LHFPL6: variants seen among roughly 807,000 people sequenced by gnomAD.
LHFPL6 encodes the protein LHFPL tetraspan subfamily member 6.
LHFPL6 carries 9 observed loss-of-function variants against 20.6 expected under a neutral mutation model. That is an observed-to-expected ratio of 0.44 (90% CI 0.26 to 0.76). LHFPL6 has a LOEUF of 0.76. Ranked by LOEUF, LHFPL6 falls within the 30% of genes least tolerant of loss-of-function variation. The probability of loss-of-function intolerance (pLI) is 0.20; values close to 1 mark genes in which losing one functional copy is unlikely to be tolerated. For missense variants in LHFPL6, 218 were observed against 253.5 expected (o/e 0.86, Z 0.95); for synonymous variants, 105 against 98.7 (o/e 1.06, Z -0.38).
intron 2 of LHFPL6, among the ~76,000 whole-genome samples, chr13:39,501,780 T>C (rs918145473): frequency 6.6e-6 from 1 of 152,174 alleles, no homozygotes; most frequent in South Asian, 2.1e-4. Flanking sequence ...ACATCAACCA[T>C]GTGTTCAAAA....
At chr13:39,518,470 ACT>A (rs1870000434) in intron 2 of LHFPL6, among the ~76,000 whole-genome samples, 1 of 152,096 alleles carries the variant, frequency 6.6e-6, no homozygotes, top group Non-Finnish European at 1.5e-5. Context: ...TGTGCTAGAG[ACT>A]CTATTTGAAA....
chr13:39,433,704 C>T (rs763056951), intron 2 of LHFPL6, among the ~76,000 whole-genome samples: 5 of 152,134 alleles, frequency 3.3e-5, no homozygotes, highest in Non-Finnish European at 7.4e-5. Flanking sequence ...ATTGAGTGAC[C>T]TCAGATGTTG....
At chr13:39,385,050 C>T (rs529905069) in intron 2 of LHFPL6, among the ~76,000 whole-genome samples, 257 of 152,268 alleles carry the variant, frequency 1.7e-3, no homozygotes, top group African/African-American at 5.8e-3. Context: ...CAAGGATGTG[C>T]AACTTTTAAG....
chr13:39,561,395 T>C (rs1283216992), intron 2 of LHFPL6, among the ~76,000 whole-genome samples: 3 of 152,162 alleles, frequency 2.0e-5, no homozygotes, highest in Non-Finnish European at 4.4e-5. Context: ...CACAACTTAA[T>C]GTGCATTTTG....
At chr13:39,602,328 T>C (rs993654984) in intron 1 of LHFPL6, among the ~76,000 whole-genome samples, 1 of 151,984 alleles carries the variant, frequency 6.6e-6, no homozygotes, top group East Asian at 1.9e-4. Context: ...ATAGCAAATT[T>C]CCCCCTTTCT....
At chr13:39,483,458 C>G (rs1308968128) in intron 2 of LHFPL6, among the ~76,000 whole-genome samples, 6 of 151,376 alleles carry the variant, frequency 4.0e-5, no homozygotes, top group Non-Finnish European at 7.4e-5. Flanking sequence ...CTAGAATATT[C>G]CAAACTCCTG....
chr13:39,414,136 G>A (rs967954860), intron 2 of LHFPL6, among the ~76,000 whole-genome samples: 12 of 152,220 alleles, frequency 7.9e-5, no homozygotes, highest in East Asian at 3.9e-4. Flanking sequence ...CTCATATGCC[G>A]TTTCATTCAC....
chr13:39,495,092 T>C (rs564335710), intron 2 of LHFPL6, among the ~76,000 whole-genome samples: 4 of 152,284 alleles, frequency 2.6e-5, no homozygotes, highest in Non-Finnish European at 4.4e-5. Flanking sequence ...AGGTAGAAGG[T>C]AGCAAGTGGA....
chr13:39,427,044 C>T lies in LHFPL6; in HGVS notation c.386-48518G>A, dbSNP rs541404570. ...TTCTCCACTGAATTGCCTTAATTGC[C>T]TTTGCATCTTTGTAAAAAAAAAAAA... On this transcript the variant is annotated intron_variant, in intron 2 of 3. Coordinates refer to ENST00000379589, the MANE Select transcript of LHFPL6 (RefSeq NM_005780.3). Among the ~76,000 whole-genome samples, 15 of 148,144 alleles carry T rather than the reference C, an allele frequency of 1.0e-4. No homozygotes were observed. The East Asian group carries it at 2.9e-3, about 28-fold the overall frequency.
intron 2 of LHFPL6, among the ~76,000 whole-genome samples, chr13:39,456,397 T>A (rs1872570951): frequency 6.6e-6 from 1 of 152,226 alleles, no homozygotes; most frequent in Non-Finnish European, 1.5e-5. Flanking sequence ...TCACTTTTGA[T>A]AAACTGCGAA....
chr13:39,365,971 A>G (rs1593286833), intron 3 of LHFPL6, among the ~76,000 whole-genome samples: 1 of 152,136 alleles, frequency 6.6e-6, no homozygotes, highest in Non-Finnish European at 1.5e-5. Context: ...CTGTAGGTAA[A>G]CAGCCACTGC....
chr13:39,358,298 C>T (rs79788939), intron 3 of LHFPL6, among the ~76,000 whole-genome samples: 1,599 of 152,144 alleles, frequency 0.011, 31 homozygotes, highest in African/African-American at 0.037. Context: ...AATGGGGAAA[C>T]GATTCCCTAT....
chr13:39,479,082 G>GAT (rs1483934927), intron 2 of LHFPL6, among the ~76,000 whole-genome samples: 1 of 150,302 alleles, frequency 6.7e-6, no homozygotes, highest in Non-Finnish European at 1.5e-5. Context: ...TAGATAGATA[G>GAT]ACAGACATAG....
At chr13:39,490,379 G>C (rs1427766989) in intron 2 of LHFPL6, among the ~76,000 whole-genome samples, 2 of 152,194 alleles carry the variant, frequency 1.3e-5, no homozygotes, top group Admixed American at 6.5e-5. Flanking sequence ...AAAAATCATA[G>C]TCTCTAAGTG....
At chr13:39,525,904 A>G (rs1870271705) in intron 2 of LHFPL6, among the ~76,000 whole-genome samples, 1 of 152,092 alleles carries the variant, frequency 6.6e-6, no homozygotes, top group Non-Finnish European at 1.5e-5. Context: ...CAGTGGACAA[A>G]CTAAAACTCA....
In LHFPL6 at chr13:39,528,274, G is replaced by A. The variant is rs1849552747; in HGVS notation, c.385+72558C>T. ...CAGGCTGCATCTGCCTCTGAATGGG[G>A]ATGCTTACTGTCCACTCCTCAACTC... On this transcript the variant is annotated intron_variant, in intron 2 of 3. Coordinates refer to ENST00000379589, the MANE Select transcript of LHFPL6 (RefSeq NM_005780.3). Among the ~76,000 whole-genome samples the A allele has an allele frequency of 2.6e-5, 4 of 152,194 alleles. No individual in the cohort carries two copies. The South Asian group carries it at 8.3e-4, about 32-fold the overall frequency.
intron 2 of LHFPL6, among the ~76,000 whole-genome samples, chr13:39,581,532 CAAA>C (rs71080316): frequency 1.9e-5 from 2 of 106,432 alleles, no homozygotes. Context: ...ATGCATGAGA[CAAA>C]AAAAAAAAAA....
chr13:39,576,558 C>T (rs1272452336), intron 2 of LHFPL6, among the ~76,000 whole-genome samples: 1 of 152,162 alleles, frequency 6.6e-6, no homozygotes, highest in Non-Finnish European at 1.5e-5. Flanking sequence ...TTCTGCATTA[C>T]AAAAGAGTGG....
intron 2 of LHFPL6, among the ~76,000 whole-genome samples, chr13:39,484,994 GT>G (rs1194461384): frequency 9.2e-5 from 14 of 152,244 alleles, no homozygotes; most frequent in African/African-American, 2.4e-4. Flanking sequence ...GAACAGGGCA[GT>G]TTTCATCTAT....
Sources: allele counts gnomAD v4.1 joint callset (sites outside exome capture counted in the v4.1 genomes callset), GRCh38; gene constraint gnomAD v4.1.1; transcripts MANE v1.5; gene names NCBI Gene and HGNC (gene_info 2026-07-23, HGNC 2026-07-21).